Variants in SLC24A3 observed in about 807,000 individuals in gnomAD.
The protein encoded by SLC24A3 is sodium/potassium/calcium exchanger 3.
Under a neutral mutation model 75.8 loss-of-function variants are expected in SLC24A3, and 28 were observed. The observed-to-expected ratio is 0.37, with a 90% CI of 0.27 to 0.51. The LOEUF (loss-of-function observed/expected upper bound fraction) is 0.51. Among genes scored for constraint, SLC24A3 ranks in the 20% least tolerant of loss-of-function variants. The pLI, the probability that SLC24A3 is intolerant of heterozygous loss-of-function variation, is 0.94. For synonymous variants in SLC24A3, 372 were observed against 334.1 expected, an observed-to-expected ratio of 1.11 and a Z score of -1.24; for missense variants, 663 against 847.8, an observed-to-expected ratio of 0.78 and a Z score of 2.71.
intron 2 of SLC24A3, among the ~76,000 whole-genome samples, chr20:19,421,446 G>A (rs1360836630): frequency 6.6e-6 from 1 of 152,052 alleles, no homozygotes; most frequent in African/African-American, 2.4e-5. Flanking sequence ...ATGAAGAAAT[G>A]CTCATCATCA....
At chr20:19,384,612 G>T (rs1356547168) in intron 2 of SLC24A3, among the ~76,000 whole-genome samples, 1 of 152,056 alleles carries the variant, frequency 6.6e-6, no homozygotes, top group Non-Finnish European at 1.5e-5. Flanking sequence ...TCAGAATCTT[G>T]GCTATTGTGA....
At chr20:19,504,982 T>G (rs943082096) in intron 2 of SLC24A3, among the ~76,000 whole-genome samples, 1 of 152,246 alleles carries the variant, frequency 6.6e-6, no homozygotes, top group African/African-American at 2.4e-5. Flanking sequence ...CTCAAAGACA[T>G]GAGCAGCACT....
At chr20:19,680,118 CTGTGTGTGTGTCTGTGTGTGTCTCTG>C (rs1182899538) in intron 9 of SLC24A3, among the ~76,000 whole-genome samples, 33 of 146,832 alleles carry the variant, frequency 2.2e-4, no homozygotes, top group African/African-American at 7.8e-4. Context: ...GTGTCTGTGT[CTGTGTGTGTGTCTGTGTGTGTCTCTG>C]TGTGTGTCTG....
chr20:19,253,458 A>G (rs1435843224), intron 1 of SLC24A3, among the ~76,000 whole-genome samples: 1 of 151,878 alleles, frequency 6.6e-6, no homozygotes, highest in East Asian at 1.9e-4. Context: ...AATCCTCTAG[A>G]CTTCCCCAAC....
chr20:19,421,640 G>A (rs1986919808), intron 2 of SLC24A3, among the ~76,000 whole-genome samples: 2 of 152,084 alleles, frequency 1.3e-5, no homozygotes, highest in Admixed American at 1.3e-4. Flanking sequence ...CTTATCACAC[G>A]CCCATGAAAA....
chr20:19,486,150 CTT>C, intron 2 of SLC24A3, among the ~76,000 whole-genome samples: 1 of 152,218 alleles, frequency 6.6e-6, no homozygotes, highest in South Asian at 2.1e-4. Flanking sequence ...TTAGCAAGTC[CTT>C]GCTGACCCAG....
intron 3 of SLC24A3, among the ~76,000 whole-genome samples, chr20:19,554,919 G>A (rs1039862875): frequency 1.3e-4 from 20 of 152,128 alleles, no homozygotes; most frequent in African/African-American, 2.4e-4. Context: ...GCGTAGAATG[G>A]CAACAGAGAA....
chr20:19,580,794 A>G (rs1482450113), intron 4 of SLC24A3, among the ~76,000 whole-genome samples: 1 of 152,106 alleles, frequency 6.6e-6, no homozygotes, highest in African/African-American at 2.4e-5. Flanking sequence ...TTTAATTCAG[A>G]ATCCCTGTTT....
intron 1 of SLC24A3, among the ~76,000 whole-genome samples, chr20:19,252,320 T>G (rs532257952): frequency 6.6e-6 from 1 of 152,122 alleles, no homozygotes; most frequent in Non-Finnish European, 1.5e-5. Flanking sequence ...AAGGGGCAGA[T>G]AGGAGGCAGG....
intron 3 of SLC24A3, among the ~76,000 whole-genome samples, chr20:19,550,263 T>A (rs1266128428): frequency 1.3e-5 from 2 of 152,220 alleles, no homozygotes; most frequent in Non-Finnish European, 2.9e-5. Flanking sequence ...ATGTATTTCT[T>A]TTTGGCTCTT....
chr20:19,694,010 C>T (rs56749600), intron 13 of SLC24A3: 12,743 of 152,362 alleles, frequency 0.084, 999 homozygotes, highest in African/African-American at 0.2. Flanking sequence ...CAATCCCTAT[C>T]GGCATCTTAG....
At chr20:19,483,775 T>C (rs1031044813) in intron 2 of SLC24A3, among the ~76,000 whole-genome samples, 1 of 152,130 alleles carries the variant, frequency 6.6e-6, no homozygotes, top group African/African-American at 2.4e-5. Context: ...GTGCTGCTGG[T>C]TTCTGGCTTT....
intron 2 of SLC24A3, among the ~76,000 whole-genome samples, chr20:19,306,617 A>C (rs940789461): frequency 6.6e-6 from 1 of 152,214 alleles, no homozygotes. Flanking sequence ...ACCAAATGCT[A>C]CATGTTCTCA....
chr20:19,491,486 C>A (rs1042009201), intron 2 of SLC24A3, among the ~76,000 whole-genome samples: 18 of 152,184 alleles, frequency 1.2e-4, no homozygotes, highest in African/African-American at 4.3e-4. Flanking sequence ...AAATGACCAA[C>A]CCTTGTCCTC....
intron 15 of SLC24A3, among the ~76,000 whole-genome samples, chr20:19,703,330 G>A (rs1302661849): frequency 1.3e-5 from 2 of 152,160 alleles, no homozygotes; most frequent in Non-Finnish European, 2.9e-5. Context: ...TTGTTTCACA[G>A]TTATTAACCA....
intron 1 of SLC24A3, among the ~76,000 whole-genome samples, chr20:19,223,944 A>C (rs752840423): frequency 6.6e-6 from 1 of 152,244 alleles, no homozygotes; most frequent in Non-Finnish European, 1.5e-5. Flanking sequence ...GAGCATGACA[A>C]CTTGAGATTT....
intron 13 of SLC24A3, among the ~76,000 whole-genome samples, chr20:19,696,019 T>TTTC (rs1183516769): frequency 7.3e-6 from 1 of 136,876 alleles, no homozygotes; most frequent in African/African-American, 2.7e-5. Flanking sequence ...CCTTTTCTTT[T>TTTC]TTTTTTTTTT....
intron 6 of SLC24A3, among the ~76,000 whole-genome samples, chr20:19,594,480 A>G (rs1568666796): frequency 6.6e-6 from 1 of 152,210 alleles, no homozygotes; most frequent in Non-Finnish European, 1.5e-5. Flanking sequence ...TAGTCCACTG[A>G]TTGTGTTCTA....
chr20:19,511,249 C>T (rs1988530910), intron 2 of SLC24A3, among the ~76,000 whole-genome samples: 4 of 152,124 alleles, frequency 2.6e-5, no homozygotes. Context: ...TCTTGAGGGC[C>T]CCAGCCTAAG....
Sources: gnomAD v4.1 joint callset for allele counts (sites outside exome capture counted in the v4.1 genomes callset) on GRCh38, gnomAD v4.1.1 for gene constraint, MANE v1.5 for transcripts, NCBI Gene and HGNC (gene_info 2026-07-23, HGNC 2026-07-21) for gene names.